Variants in CADM1 observed in about 807,000 individuals in gnomAD.
CADM1 encodes cell adhesion molecule 1.
CADM1 carries 15 observed loss-of-function variants against 53.1 expected under a neutral mutation model. The observed-to-expected ratio is 0.28, with a 90% CI of 0.19 to 0.44. The LOEUF (loss-of-function observed/expected upper bound fraction) is 0.44, where lower values mean the gene tolerates loss of function less well. CADM1 is among the 20% of genes least tolerant of loss of function. The pLI is 1.00. For missense variants in CADM1, 434 were observed against 611.3 expected (o/e 0.71, Z 3.06); for synonymous variants, 281 against 243.0 (o/e 1.16, Z -1.45).
At chr11:115,406,136 T>C (rs1947306893) in intron 1 of CADM1, among the ~76,000 whole-genome samples, 1 of 152,204 alleles carries the variant, frequency 6.6e-6, no homozygotes, top group South Asian at 2.1e-4. Flanking sequence ...TTTATATTGG[T>C]ATAAAAATGT....
At chr11:115,345,564 C>T (rs1382115693) in intron 1 of CADM1, among the ~76,000 whole-genome samples, 1 of 152,170 alleles carries the variant, frequency 6.6e-6, no homozygotes, top group East Asian at 1.9e-4. Context: ...TCATTCTGTC[C>T]TACCACATCT....
intron 1 of CADM1, among the ~76,000 whole-genome samples, chr11:115,380,171 T>C (rs766117358): frequency 3.9e-5 from 6 of 152,062 alleles, no homozygotes; most frequent in African/African-American, 1.2e-4. Flanking sequence ...TTCAAAGATG[T>C]AAAGTGAATT....
intron 1 of CADM1, among the ~76,000 whole-genome samples, chr11:115,371,017 A>T (rs1565392094): frequency 6.6e-6 from 1 of 152,210 alleles, no homozygotes; most frequent in Non-Finnish European, 1.5e-5. Context: ...TAAAAGCAGC[A>T]ACACTTCATC....
chr11:115,341,022 T>C (rs2135245554), intron 1 of CADM1, among the ~76,000 whole-genome samples: 2 of 152,100 alleles, frequency 1.3e-5, no homozygotes. Context: ...TAAAATGTAA[T>C]ATATTTCAAA....
intron 5 of CADM1, among the ~76,000 whole-genome samples, chr11:115,219,538 C>A (rs1941325534): frequency 1.3e-5 from 2 of 152,146 alleles, no homozygotes; most frequent in Admixed American, 1.3e-4. Context: ...CTGACCCTTG[C>A]AAGTTACACA....
At chr11:115,412,378 T>G (rs1355422258) in intron 1 of CADM1, among the ~76,000 whole-genome samples, 1 of 152,092 alleles carries the variant, frequency 6.6e-6, no homozygotes, top group Non-Finnish European at 1.5e-5. Flanking sequence ...AAAATTTTTT[T>G]AGAGATAGGA....
chr11:115,183,760 G>A (rs902163896), intron 10 of CADM1, among the ~76,000 whole-genome samples: 1 of 152,140 alleles, frequency 6.6e-6, no homozygotes, highest in Admixed American at 6.5e-5. Context: ...GCGCTTAAAC[G>A]CACACTTTAA....
intron 5 of CADM1, among the ~76,000 whole-genome samples, chr11:115,221,790 C>T (rs904627127): frequency 6.6e-6 from 1 of 152,066 alleles, no homozygotes; most frequent in Non-Finnish European, 1.5e-5. Flanking sequence ...GTCACCCTTC[C>T]AGGGTAGCAG....
intron 1 of CADM1, among the ~76,000 whole-genome samples, chr11:115,292,808 T>C (rs187034340): frequency 6.6e-6 from 1 of 152,228 alleles, no homozygotes; most frequent in Non-Finnish European, 1.5e-5. Context: ...AACCAGTGTC[T>C]TTTCCACTAT....
rs539344706 is a variant in CADM1 at position 115,375,922 on chromosome 11, T to A, written c.124+128349A>T. Among the ~76,000 whole-genome samples the A allele has an allele frequency of 2.1e-4, 32 of 152,306 alleles. 1 individual carries two copies. In the East Asian group the frequency reaches 6.0e-3, roughly 28 times the overall value. Reference sequence around the variant, plus strand: ...TGTCCAGCATATATTTATTGGTATATTGCATAGCACAAACATGAAATAACA... The same window carrying A: ...TGTCCAGCATATATTTATTGGTATAATGCATAGCACAAACATGAAATAACA... On this transcript the variant is annotated intron_variant, in intron 1 of 11. Coordinates refer to ENST00000331581, the MANE Select transcript of CADM1 (RefSeq NM_001301043.2).
At chr11:115,466,424 G>T (rs1948899704) in intron 1 of CADM1, among the ~76,000 whole-genome samples, 1 of 152,146 alleles carries the variant, frequency 6.6e-6, no homozygotes, top group African/African-American at 2.4e-5. Context: ...ACTACAAACT[G>T]CCCTGTAAAA....
intron 1 of CADM1, among the ~76,000 whole-genome samples, chr11:115,282,028 T>C (rs752854649): frequency 2.0e-5 from 3 of 152,212 alleles, no homozygotes; most frequent in African/African-American, 2.4e-5. Context: ...TAGAGTTTTA[T>C]TGAAAATGTT....
chr11:115,321,735 T>G (rs1944829728), intron 1 of CADM1, among the ~76,000 whole-genome samples: 1 of 152,142 alleles, frequency 6.6e-6, no homozygotes, highest in Non-Finnish European at 1.5e-5. Flanking sequence ...GACTACATTA[T>G]TACAATGTGT....
At chr11:115,365,483 T>C (rs985962960) in intron 1 of CADM1, among the ~76,000 whole-genome samples, 1 of 152,158 alleles carries the variant, frequency 6.6e-6, no homozygotes, top group Non-Finnish European at 1.5e-5. Flanking sequence ...ATTGTGGGTA[T>C]TGTTTATACA....
intron 1 of CADM1, among the ~76,000 whole-genome samples, chr11:115,471,740 G>A (rs529937298): frequency 7.2e-5 from 11 of 152,304 alleles, no homozygotes; most frequent in Admixed American, 3.9e-4. Flanking sequence ...GGAGTTTGTT[G>A]ACTGGAGTGA....
rs542509784 is a variant in CADM1 at position 115,483,640 on chromosome 11, A to G, written c.124+20631T>C. Among the ~76,000 whole-genome samples, 4 of 152,358 alleles carry G rather than the reference A, an allele frequency of 2.6e-5. No homozygotes were observed. In the East Asian group the frequency reaches 5.8e-4, roughly 22 times the overall value. On this transcript the variant is annotated intron_variant, in intron 1 of 11. Coordinates refer to ENST00000331581, the MANE Select transcript of CADM1 (RefSeq NM_001301043.2). ...ACCTACTAAATTTGGAGTGAATATC[A>G]ATATAACTCAACCCTCTTCCAACCT...
chr11:115,319,329 A>G (rs1944760471), intron 1 of CADM1, among the ~76,000 whole-genome samples: 2 of 152,086 alleles, frequency 1.3e-5, no homozygotes, highest in South Asian at 2.1e-4. Context: ...CAAAAACTCC[A>G]TCTTGGACCA....
chr11:115,415,439 T>C (rs1321713270), intron 1 of CADM1, among the ~76,000 whole-genome samples: 2 of 152,172 alleles, frequency 1.3e-5, no homozygotes, highest in East Asian at 3.9e-4. Flanking sequence ...TTAAAGAGTC[T>C]GCTTGAGTTA....
Position 115,328,190 on chromosome 11 carries a change from C to T in CADM1, c.125-87770G>A, listed in dbSNP as rs1048198129. ...CTCTCTGATATGAAGACACCCAGAA[C>T]GAAAATCCAAATTAACCTTTTGAGG... On this transcript the variant is annotated intron_variant, in intron 1 of 11. Coordinates refer to ENST00000331581, the MANE Select transcript of CADM1 (RefSeq NM_001301043.2). 3.3e-5 allele frequency among the ~76,000 whole-genome samples: 5 copies of T among 151,826 alleles called. 1 individual carries two copies. Among genetic ancestry groups the T allele is most frequent in the Admixed American group, 1.3e-4 (2 of 15,228 alleles).
Sources: allele counts gnomAD v4.1 joint callset (sites outside exome capture counted in the v4.1 genomes callset), GRCh38; gene constraint gnomAD v4.1.1; transcripts MANE v1.5; gene names NCBI Gene and HGNC (gene_info 2026-07-23, HGNC 2026-07-21).